TMEFF2: variants seen among roughly 807,000 people sequenced by gnomAD.
TMEFF2 encodes transmembrane protein with EGF like and two follistatin like domains 2.
In TMEFF2, 28 loss-of-function variants were observed where a neutral mutation model predicts 53.8. The ratio of observed to expected loss-of-function variants is 0.52; its 90% CI spans 0.39 to 0.71. The LOEUF (loss-of-function observed/expected upper bound fraction) is 0.71. TMEFF2 is among the 30% of genes least tolerant of loss of function. The pLI is 0.00. For synonymous variants in TMEFF2, 162 were observed against 166.3 expected, an observed-to-expected ratio of 0.97 and a Z score of 0.20; for missense variants, 353 against 455.2, an observed-to-expected ratio of 0.78 and a Z score of 2.04.
intron 4 of TMEFF2, among the ~76,000 whole-genome samples, chr2:192,168,483 TACAA>T (rs141167796): frequency 0.037 from 5,576 of 152,130 alleles, 329 homozygotes; most frequent in African/African-American, 0.13. Flanking sequence ...TTACCTCAAT[TACAA>T]ACAAACTAGC....
Position 191,956,248 on chromosome 2 carries a change from A to C in TMEFF2, c.869+7T>G, listed in dbSNP as rs764919784. On this transcript the variant is annotated splice_region_variant and intron_variant, in intron 8 of 9. Transcript: ENST00000272771. ...ACATTAACTATTCTTGCGAGTAAAA[A>C]TGTTACCTGCAAGATGGCTCCTGCA... The C allele has an allele frequency of 1.6e-5, 25 of 1,603,456 alleles. No individual in the cohort carries two copies. Among genetic ancestry groups the C allele is most frequent in the Non-Finnish European group, 2.0e-5 (24 of 1,176,702 alleles).
intron 9 of TMEFF2, among the ~76,000 whole-genome samples, chr2:191,952,436 AG>A (rs1174914009): frequency 6.6e-6 from 1 of 152,208 alleles, no homozygotes; most frequent in African/African-American, 2.4e-5. Flanking sequence ...GCTAGATATT[AG>A]AGTAATATGG....
In TMEFF2 at chr2:192,015,308, C is replaced by CTTTT. The variant is rs34696715; in HGVS notation, c.537-16104_537-16101dup. On this transcript the variant is annotated intron_variant, in intron 5 of 9. Transcript: ENST00000272771. ...GGCATTCTAGAGGCTATCACTGAAG[C>CTTTT]TTTTTTTTTTTTTTTTTTTTTTTTG... 4.8e-3 allele frequency among the ~76,000 whole-genome samples: 365 copies of CTTTT among 76,268 alleles called. 35 individuals carry two copies. Among genetic ancestry groups the CTTTT allele is most frequent in the East Asian group, 7.2e-3 (17 of 2,364 alleles). The allele number at this position is 76,268 out of a possible 152,430, so 50.0% of individuals were successfully genotyped here. A position where few individuals can be genotyped will look rare whatever the true frequency, so the allele number is the denominator to read the frequency against.
intron 4 of TMEFF2, among the ~76,000 whole-genome samples, chr2:192,059,338 A>G (rs1333243902): frequency 2.6e-5 from 4 of 152,138 alleles, no homozygotes; most frequent in Admixed American, 2.6e-4. Context: ...GACAGCACTT[A>G]TCTTATTATT....
intron 4 of TMEFF2, among the ~76,000 whole-genome samples, chr2:192,127,961 C>T (rs567945360): frequency 1.3e-5 from 2 of 152,236 alleles, no homozygotes; most frequent in African/African-American, 4.8e-5. Flanking sequence ...ATATGTAGTT[C>T]TGGGCTCTTT....
chr2:192,004,041 C>G (rs184754543), intron 5 of TMEFF2, among the ~76,000 whole-genome samples: 2 of 152,086 alleles, frequency 1.3e-5, no homozygotes, highest in African/African-American at 4.8e-5. Context: ...AGGTGTTTTA[C>G]TTACCTTTGA....
chr2:191,970,839 CTTTA>C (rs1692617892), intron 7 of TMEFF2, among the ~76,000 whole-genome samples: 1 of 152,106 alleles, frequency 6.6e-6, no homozygotes, highest in African/African-American at 2.4e-5. Flanking sequence ...GAAAGTCTTC[CTTTA>C]TTTATGTCTA....
intron 4 of TMEFF2, among the ~76,000 whole-genome samples, chr2:192,111,955 T>G (rs1195827353): frequency 1.3e-5 from 2 of 152,208 alleles, no homozygotes; most frequent in Non-Finnish European, 2.9e-5. Context: ...GAATTGAGGT[T>G]TGAGAACCTC....
chr2:191,957,633 C>A (rs1692147178), intron 7 of TMEFF2, among the ~76,000 whole-genome samples: 1 of 152,068 alleles, frequency 6.6e-6, no homozygotes, highest in South Asian at 2.1e-4. Flanking sequence ...ATCTGCAAAA[C>A]AAAGTCTGAA....
intron 4 of TMEFF2, among the ~76,000 whole-genome samples, chr2:192,151,266 G>A (rs1690381130): frequency 1.3e-5 from 2 of 151,788 alleles, no homozygotes; most frequent in South Asian, 4.1e-4. Context: ...TGTCTTTATA[G>A]CAGTGTGAAA....
At chr2:191,995,781 G>A (rs998626491) in intron 7 of TMEFF2, among the ~76,000 whole-genome samples, 1 of 151,912 alleles carries the variant, frequency 6.6e-6, no homozygotes, top group South Asian at 2.1e-4. Context: ...TGCAATCTAT[G>A]TTTAACTAGG....
intron 4 of TMEFF2, among the ~76,000 whole-genome samples, chr2:192,140,612 C>T (rs1353590121): frequency 6.6e-6 from 1 of 151,974 alleles, no homozygotes; most frequent in African/African-American, 2.4e-5. Flanking sequence ...GGTGAAAGGT[C>T]GGTGAGGTTC....
chr2:192,035,006 T>C (rs1178232701), intron 5 of TMEFF2: 1 of 152,262 alleles, frequency 6.6e-6, no homozygotes, highest in Non-Finnish European at 1.5e-5. Flanking sequence ...CCTTTTTTAA[T>C]GATCCTTAGT....
At chr2:191,964,360 CT>C (rs1382552112) in intron 7 of TMEFF2, among the ~76,000 whole-genome samples, 9 of 102,954 alleles carry the variant, frequency 8.7e-5, no homozygotes, top group African/African-American at 3.6e-4. Context: ...TTCTTTCTTT[CT>C]TTCTTTCTTT....
intron 4 of TMEFF2, among the ~76,000 whole-genome samples, chr2:192,077,406 A>C (rs1688457395): frequency 1.3e-5 from 2 of 152,302 alleles, no homozygotes; most frequent in South Asian, 4.1e-4. Flanking sequence ...TCGATATGAA[A>C]AGGATTCATA....
chr2:192,065,144 C>T (rs1196489065), intron 4 of TMEFF2, among the ~76,000 whole-genome samples: 2 of 151,726 alleles, frequency 1.3e-5, no homozygotes, highest in Non-Finnish European at 3.0e-5. Context: ...CTTTCTTTGT[C>T]AGCTTAGATT....
chr2:192,134,887 A>G (rs950803383), intron 4 of TMEFF2, among the ~76,000 whole-genome samples: 4 of 152,088 alleles, frequency 2.6e-5, no homozygotes, highest in African/African-American at 9.7e-5. Context: ...CTTAGTATTC[A>G]GTGACAGACT....
At chr2:192,092,380 A>C (rs1371190570) in intron 4 of TMEFF2, among the ~76,000 whole-genome samples, 1 of 152,160 alleles carries the variant, frequency 6.6e-6, no homozygotes, top group Non-Finnish European at 1.5e-5. Context: ...GTACACAAAG[A>C]TACTTTATAG....
At chr2:191,982,976 C>CGAAATGTCTGCATATTCTAT (rs1415442215) in intron 7 of TMEFF2, among the ~76,000 whole-genome samples, 1 of 151,946 alleles carries the variant, frequency 6.6e-6, no homozygotes, top group East Asian at 1.9e-4. Context: ...AATGGGAGTC[C>CGAAATGTCTGCATATTCTAT]GAAATGTCTG....
Sources: allele counts gnomAD v4.1 joint callset (sites outside exome capture counted in the v4.1 genomes callset), GRCh38; gene constraint gnomAD v4.1.1; transcripts MANE v1.5; gene names NCBI Gene and HGNC (gene_info 2026-07-23, HGNC 2026-07-21).